Variants in KIAA1217 observed in about 807,000 individuals in gnomAD.
KIAA1217 encodes sickle tail protein homolog.
KIAA1217 carries 88 observed loss-of-function variants against 163.9 expected under a neutral mutation model. That is an observed-to-expected ratio of 0.54 (90% CI 0.45 to 0.64). KIAA1217 has a LOEUF of 0.64. KIAA1217 is among the 30% of genes least tolerant of loss of function. The pLI, the probability that KIAA1217 is intolerant of heterozygous loss-of-function variation, is 0.00. For missense variants in KIAA1217, 2,372 were observed against 2,475.0 expected, an observed-to-expected ratio of 0.96 and a Z score of 0.88; for synonymous variants, 903 against 923.1, an observed-to-expected ratio of 0.98 and a Z score of 0.39.
At chr10:23,826,321 T>C (rs1234841082) in intron 1 of KIAA1217, among the ~76,000 whole-genome samples, 2 of 152,186 alleles carry the variant, frequency 1.3e-5, no homozygotes, top group African/African-American at 4.8e-5. Context: ...TTACATTAGA[T>C]TTGACATGTC....
intron 1 of KIAA1217, among the ~76,000 whole-genome samples, chr10:23,803,247 C>G (rs749828613): frequency 2.6e-5 from 4 of 152,226 alleles, no homozygotes; most frequent in Admixed American, 1.3e-4. Context: ...TAGTGACACT[C>G]TGGTGCCCAG....
At chr10:24,100,357 T>G (rs1432063017) in intron 2 of KIAA1217, among the ~76,000 whole-genome samples, 1 of 152,192 alleles carries the variant, frequency 6.6e-6, no homozygotes, top group Non-Finnish European at 1.5e-5. Context: ...ACTCTGTGAC[T>G]CGGTATGAAG....
chr10:24,276,401 G>C (rs896859119), intron 2 of KIAA1217, among the ~76,000 whole-genome samples: 1 of 152,180 alleles, frequency 6.6e-6, no homozygotes, highest in Non-Finnish European at 1.5e-5. Context: ...CTATTCCTTA[G>C]ATAGCTGTTA....
intron 3 of KIAA1217, among the ~76,000 whole-genome samples, chr10:24,422,167 G>A (rs1206969170): frequency 2.0e-5 from 3 of 152,028 alleles, no homozygotes; most frequent in Non-Finnish European, 4.4e-5. Context: ...AACAGCATGG[G>A]AAAGACCCAC....
chr10:24,543,822 G>A lies in KIAA1217; in HGVS notation c.4552G>A (p.Glu1518Lys). 5 of 1,613,964 alleles carry A rather than the reference G, an allele frequency of 3.1e-6. No homozygotes were observed. Among genetic ancestry groups the A allele is most frequent in the South Asian group, 1.1e-5 (1 of 91,058 alleles). ...PGNLRTGQQV[E>K]TKSQPHSLAT... is the part of the protein sequence containing the mutation. ...CAATCTTAGAACCGGACAACAGGTG[G>A]AAACAAAGTCACAGCCACACTCCCT... The change falls in exon 19 of 21, where the codon GAA becomes AAA. Residue 1518 changes from glutamate to lysine, a missense_variant. By Grantham distance (56) the Glu-to-Lys change is moderately conservative (BLOSUM62 1). Transcript: ENST00000376454.
Position 24,209,402 on chromosome 10 carries a change from CA to C in KIAA1217, c.70+142del. 6.2e-6 allele frequency: 4 copies of C among 649,410 alleles called. No individual in the cohort carries two copies. The South Asian group carries it at 7.8e-5, about 13-fold the overall frequency. The allele number at this position is 649,410 out of a possible 1,614,324, so 40.2% of individuals were successfully genotyped here. On this transcript the variant is annotated intron_variant, in intron 1 of 20. Transcript: ENST00000376454. ...CAATTTCTTGGGATGGTACATTTTCCAAACTGAGTAGAGCATAGAGAACTGT... is the reference window on the plus strand; with the variant it reads ...CAATTTCTTGGGATGGTACATTTTCCAACTGAGTAGAGCATAGAGAACTGT...
At chr10:24,093,981 C>T (rs1367264282) in intron 2 of KIAA1217, among the ~76,000 whole-genome samples, 3 of 151,874 alleles carry the variant, frequency 2.0e-5, no homozygotes, top group Non-Finnish European at 4.4e-5. Flanking sequence ...GACATGAACT[C>T]ATCATTTTTT....
chr10:24,132,097 G>C (rs1253612895), intron 2 of KIAA1217, among the ~76,000 whole-genome samples: 1 of 152,096 alleles, frequency 6.6e-6, no homozygotes, highest in Non-Finnish European at 1.5e-5. Flanking sequence ...CACCTTCTCT[G>C]CCTGCAGTCC....
chr10:23,734,664 T>A (rs11013679), intron 1 of KIAA1217, among the ~76,000 whole-genome samples: 42,247 of 151,870 alleles, frequency 0.28, 7,138 homozygotes, highest in African/African-American at 0.48. Flanking sequence ...TGGATTTTTT[T>A]AAAAAATATT....
At chr10:24,407,032 G>A (rs186584471) in intron 3 of KIAA1217, among the ~76,000 whole-genome samples, 23 of 152,290 alleles carry the variant, frequency 1.5e-4, no homozygotes, top group African/African-American at 5.1e-4. Context: ...AACTACCATC[G>A]CAGCTCTGTC....
At chr10:24,066,564 C>T (rs2060956144) in intron 2 of KIAA1217, among the ~76,000 whole-genome samples, 1 of 152,170 alleles carries the variant, frequency 6.6e-6, no homozygotes, top group African/African-American at 2.4e-5. Context: ...TCCTCTCTGG[C>T]TGCCCTTAAC....
intron 1 of KIAA1217, among the ~76,000 whole-genome samples, chr10:23,901,995 A>G (rs554040882): frequency 6.6e-6 from 1 of 152,132 alleles, no homozygotes; most frequent in Non-Finnish European, 1.5e-5. Context: ...AGATTACAAA[A>G]TTGAGCATGA....
At chr10:23,728,642 T>C (rs1040917235) in intron 1 of KIAA1217, among the ~76,000 whole-genome samples, 1 of 152,228 alleles carries the variant, frequency 6.6e-6, no homozygotes, top group Non-Finnish European at 1.5e-5. Flanking sequence ...TTTCTTTTGC[T>C]GTGCAGAAGC....
intron 2 of KIAA1217, among the ~76,000 whole-genome samples, chr10:24,236,852 A>C (rs1347240686): frequency 6.6e-6 from 1 of 151,528 alleles, no homozygotes; most frequent in African/African-American, 2.4e-5. Context: ...GGGTATTGCT[A>C]TGTTGCCCAA....
At chr10:23,774,238 A>T (rs1285362967) in intron 1 of KIAA1217, among the ~76,000 whole-genome samples, 1 of 152,230 alleles carries the variant, frequency 6.6e-6, no homozygotes, top group African/African-American at 2.4e-5. Flanking sequence ...TCCCTGTGAA[A>T]ACACTTCATA....
At chr10:24,446,421 G>C (rs994568411) in intron 5 of KIAA1217, among the ~76,000 whole-genome samples, 1 of 151,922 alleles carries the variant, frequency 6.6e-6, no homozygotes, top group South Asian at 2.1e-4. Context: ...GAAAAGAAAA[G>C]AAAAAGAGTG....
chr10:24,245,875 C>G (rs1052273013), intron 2 of KIAA1217, among the ~76,000 whole-genome samples: 7 of 151,802 alleles, frequency 4.6e-5, no homozygotes, highest in African/African-American at 1.5e-4. Flanking sequence ...TGGGCTCAAA[C>G]AATCCTCCCA....
intron 1 of KIAA1217, among the ~76,000 whole-genome samples, chr10:23,966,932 G>C (rs1470409059): frequency 6.6e-6 from 1 of 152,036 alleles, no homozygotes; most frequent in Admixed American, 6.6e-5. Context: ...TAGAGTCTTT[G>C]GTTTGACAAG....
At chr10:24,292,270 A>G (rs369079060) in intron 2 of KIAA1217, among the ~76,000 whole-genome samples, 9 of 152,308 alleles carry the variant, frequency 5.9e-5, no homozygotes, top group East Asian at 3.9e-4. Context: ...ACTGATGGAA[A>G]ACTCCAAAAG....
Sources: gnomAD v4.1 joint callset for allele counts (sites outside exome capture counted in the v4.1 genomes callset) on GRCh38, gnomAD v4.1.1 for gene constraint, MANE v1.5 for transcripts, NCBI Gene and HGNC (gene_info 2026-07-23, HGNC 2026-07-21) for gene names.